THSD7A: variants seen among roughly 807,000 people sequenced by gnomAD.
The protein encoded by THSD7A is thrombospondin type 1 domain containing 7A.
A neutral mutation model predicts 231.3 loss-of-function variants in THSD7A; 96 were observed. The observed-to-expected ratio is 0.41, with a 90% confidence interval of 0.35 to 0.49. THSD7A has a LOEUF of 0.49. THSD7A is among the 20% of genes least tolerant of loss of function. THSD7A has a pLI of 0.05. For synonymous variants in THSD7A, 940 were observed against 743.3 expected (o/e 1.26, Z -4.30); for missense variants, 2,290 against 2,070.2 (o/e 1.11, Z -2.06).
At chr7:11,683,201 G>A (rs1783936335) in intron 1 of THSD7A, among the ~76,000 whole-genome samples, 1 of 150,990 alleles carries the variant, frequency 6.6e-6, no homozygotes, top group South Asian at 2.1e-4. Flanking sequence ...AATATCATCA[G>A]GAGCTCTTAA....
intron 1 of THSD7A, among the ~76,000 whole-genome samples, chr7:11,712,306 G>C (rs1390115724): frequency 6.6e-6 from 1 of 150,984 alleles, no homozygotes; most frequent in Non-Finnish European, 1.5e-5. Flanking sequence ...AGTACTATAG[G>C]TAGAGATTAT....
intron 2 of THSD7A, among the ~76,000 whole-genome samples, chr7:11,598,012 G>A (rs114189825): frequency 3.0e-4 from 45 of 152,268 alleles, no homozygotes; most frequent in African/African-American, 9.6e-4. Flanking sequence ...GTATGCAGGC[G>A]CCACCTGAAC....
chr7:11,705,423 G>A (rs1780732710), intron 1 of THSD7A, among the ~76,000 whole-genome samples: 1 of 150,878 alleles, frequency 6.6e-6, no homozygotes, highest in Non-Finnish European at 1.5e-5. Context: ...TTCTACTTCT[G>A]GAAGTTGACT....
At chr7:11,769,304 T>C (rs1283370573) in intron 1 of THSD7A, among the ~76,000 whole-genome samples, 2 of 150,854 alleles carry the variant, frequency 1.3e-5, no homozygotes, top group African/African-American at 4.9e-5. Flanking sequence ...GCCCATTTAA[T>C]GGATTTGAAA....
At chr7:11,672,349 A>G (rs567735187) in intron 1 of THSD7A, among the ~76,000 whole-genome samples, 2 of 124,072 alleles carry the variant, frequency 1.6e-5, no homozygotes, top group African/African-American at 5.6e-5. Context: ...AATTGCTGCT[A>G]TTTAAAATTT....
rs2128186966 is a variant in THSD7A at position 11,820,685 on chromosome 7, A to G, written c.190+11072T>C. On this transcript the variant is annotated intron_variant, in intron 1 of 27. Transcript: ENST00000423059. Reference sequence around the variant, plus strand: ...TGGACCCACAAAGACTTTAGTCCCCAGTCTCGATGTCTCAAAGCCCGTGGA... The same window carrying G: ...TGGACCCACAAAGACTTTAGTCCCCGGTCTCGATGTCTCAAAGCCCGTGGA... 5 of 857,588 alleles carry G rather than the reference A, an allele frequency of 5.8e-6. No homozygotes were observed. In the East Asian group the frequency reaches 9.8e-5, roughly 17 times the overall value. 53.1% of individuals were successfully genotyped at this position (857,588 alleles called of 1,614,324 possible).
At chr7:11,766,547 A>G (rs1783034397) in intron 1 of THSD7A, among the ~76,000 whole-genome samples, 1 of 152,200 alleles carries the variant, frequency 6.6e-6, no homozygotes, top group South Asian at 2.1e-4. Context: ...TATAGAGATT[A>G]AACAAGTGAA....
chr7:11,606,284 G>C (rs1375578990), intron 2 of THSD7A, among the ~76,000 whole-genome samples: 1 of 152,086 alleles, frequency 6.6e-6, no homozygotes, highest in African/African-American at 2.4e-5. Context: ...GACATGCACA[G>C]TAAGACCATG....
chr7:11,590,393 C>A lies in THSD7A; in HGVS notation c.1453+67G>T, dbSNP rs1780106390. On this transcript the variant is annotated intron_variant, in intron 4 of 27. Transcript: ENST00000423059. The surrounding 1 kb of genome is among the most constrained non-coding windows in gnomAD (Gnocchi z 4.4). ...TAACCTGGATGGCTGTGTATATATC[C>A]CTTCAGAGCAATCACATGCTCAGTC... 2 of 1,518,428 alleles carry A rather than the reference C, an allele frequency of 1.3e-6. No individual in the cohort carries two copies. The highest frequency in any genetic ancestry group is 2.8e-5 in the African/African-American group (2 of 72,278). The allele number at this position is 1,518,428 out of a possible 1,614,324, so 94.1% of individuals were successfully genotyped here. A position where few individuals can be genotyped will look rare whatever the true frequency, so the allele number is the denominator to read the frequency against.
At chr7:11,424,909 C>T (rs1369410406) in intron 15 of THSD7A, 80 bp from the exon 16 acceptor site, 1 of 1,538,868 alleles carries the variant, frequency 6.5e-7, no homozygotes, top group Admixed American at 1.9e-5. Flanking sequence ...TAACAGCAAT[C>T]ATTTCACTGT....
chr7:11,580,523 T>A lies in THSD7A; in HGVS notation c.1453+9937A>T, dbSNP rs570996551. Reference sequence around the variant, plus strand: ...ATGACAAGTATCAAGTATACTTTTTTAAAAAATCACCAGAAAATACTATGC... The same window carrying A: ...ATGACAAGTATCAAGTATACTTTTTAAAAAAATCACCAGAAAATACTATGC... On this transcript the variant is annotated intron_variant, in intron 4 of 27. Coordinates refer to ENST00000423059, the MANE Select transcript of THSD7A (RefSeq NM_015204.3). 7.8e-3 allele frequency among the ~76,000 whole-genome samples: 1,190 copies of A among 152,198 alleles called. 3 individuals carry two copies. The highest frequency in any genetic ancestry group is 0.014 in the Middle Eastern group (4 of 294).
chr7:11,517,027 A>G (rs1257409166), intron 6 of THSD7A, among the ~76,000 whole-genome samples: 1 of 146,756 alleles, frequency 6.8e-6, no homozygotes, highest in Non-Finnish European at 1.5e-5. Context: ...CATCTGTCAC[A>G]TTCATAGGTC....
At chr7:11,778,156 CAAA>C (rs57740181) in intron 1 of THSD7A, among the ~76,000 whole-genome samples, 6 of 45,064 alleles carry the variant, frequency 1.3e-4, no homozygotes, top group East Asian at 6.3e-4. Context: ...GACTCCGTCT[CAAA>C]AAAAAAAAAA....
rs1339325506 is a variant in THSD7A, at chr7:11,612,352, G to A, written c.1023-18850C>T. Among the ~76,000 whole-genome samples, 8 of 152,194 alleles carry A rather than the reference G, an allele frequency of 5.3e-5. No individual in the cohort carries two copies. The East Asian group carries it at 1.5e-3, about 29-fold the overall frequency. On this transcript the variant is annotated intron_variant, in intron 2 of 27. Transcript: ENST00000423059. ...AGGAGATGAAGAGGTCTCATGGAAAGTCTCCTCATTAGGTACAAATAAAGA... is the reference window on the plus strand; with the variant it reads ...AGGAGATGAAGAGGTCTCATGGAAAATCTCCTCATTAGGTACAAATAAAGA...
intron 6 of THSD7A, among the ~76,000 whole-genome samples, chr7:11,506,038 G>A (rs1206058315): frequency 6.6e-6 from 1 of 152,138 alleles, no homozygotes; most frequent in African/African-American, 2.4e-5. Flanking sequence ...TTGTCCAGAG[G>A]TGGCACAGTC....
In THSD7A at chr7:11,814,035, T is replaced by C. The variant is rs1235070680; in HGVS notation, c.190+17722A>G. On this transcript the variant is annotated intron_variant, in intron 1 of 27. Coordinates refer to ENST00000423059, the MANE Select transcript of THSD7A (RefSeq NM_015204.3). The surrounding 1 kb of genome is among the most constrained non-coding windows in gnomAD (Gnocchi z 5.1). ...TGAAAACATGATGCGAAATAAAAGG[T>C]GCTAGTCACAAAAGATCACGCAAGT... Among the ~76,000 whole-genome samples the C allele has an allele frequency of 6.6e-6, 1 of 152,090 alleles. No individual in the cohort carries two copies. The highest frequency in any genetic ancestry group is 1.5e-5 in the Non-Finnish European group (1 of 68,030).
intron 1 of THSD7A, among the ~76,000 whole-genome samples, chr7:11,801,664 G>GA (rs1320217474): frequency 1.3e-5 from 2 of 151,638 alleles, no homozygotes; most frequent in Non-Finnish European, 2.9e-5. Context: ...AAAAGAACTG[G>GA]AAAAAAAAGA....
At chr7:11,674,844 T>C (rs149060396) in intron 1 of THSD7A, among the ~76,000 whole-genome samples, 574 of 152,076 alleles carry the variant, frequency 3.8e-3, no homozygotes, top group Non-Finnish European at 6.5e-3. Context: ...AGACACAGAA[T>C]TGAGAATATG....
At chr7:11,777,378 AGT>A (rs1235067106) in intron 1 of THSD7A, among the ~76,000 whole-genome samples, 9 of 151,844 alleles carry the variant, frequency 5.9e-5, no homozygotes, top group African/African-American at 1.9e-4. Flanking sequence ...TTGCCATAAT[AGT>A]GTAAAAAAAA....
Sources: gnomAD v4.1 joint callset for allele counts (sites outside exome capture counted in the v4.1 genomes callset) on GRCh38, gnomAD v4.1.1 for gene constraint, Gnocchi (gnomAD v3.1) non-coding constraint, MANE v1.5 for transcripts, NCBI Gene and HGNC (gene_info 2026-07-23, HGNC 2026-07-21) for gene names.